The following HDX variants were observed in gnomAD, a reference collection of about 807,000 sequenced individuals.
HDX encodes the protein chromosome X open reading frame 43.
HDX carries 19 observed loss-of-function variants against 45.2 expected under a neutral mutation model. That is an observed-to-expected ratio of 0.42 (90% CI 0.29 to 0.62). The LOEUF is 0.62. Among genes scored for constraint, HDX ranks in the 20% least tolerant of loss-of-function variants. The pLI is 0.20. For synonymous variants in HDX, 188 were observed against 172.8 expected (o/e 1.09, Z -0.69); for missense variants, 532 against 493.9 (o/e 1.08, Z -0.73).
At chrX:84,436,366 C>T (rs190105010) in intron 5 of HDX, among the ~76,000 whole-genome samples, 3,706 of 107,805 alleles carry the variant, frequency 0.034, 85 homozygotes, top group Non-Finnish European at 0.055. Flanking sequence ...CAGCATGGCA[C>T]ATGTACCCTA....
intron 5 of HDX, among the ~76,000 whole-genome samples, chrX:84,380,519 G>A (rs1481216883): frequency 7.2e-5 from 8 of 110,808 alleles, no homozygotes; most frequent in Admixed American, 6.7e-4. Context: ...TAGAAATATC[G>A]TTCATCCTGA....
intron 7 of HDX, among the ~76,000 whole-genome samples, chrX:84,341,333 T>A (rs1236061017): frequency 9.0e-6 from 1 of 111,318 alleles, no homozygotes; most frequent in Non-Finnish European, 1.9e-5. Context: ...AATGGTGCAA[T>A]ATTTCTTTTT....
At chrX:84,486,407 A>AAAT (rs35533403) in intron 2 of HDX, among the ~76,000 whole-genome samples, 5,048 of 111,206 alleles carry the variant, frequency 0.045, 293 homozygotes, top group African/African-American at 0.16. Context: ...AAGAAGACAA[A>AAAT]AATAGAATCC....
intron 5 of HDX, among the ~76,000 whole-genome samples, chrX:84,393,813 C>A (rs1260539793): frequency 9.1e-6 from 1 of 110,350 alleles, no homozygotes; most frequent in South Asian, 3.8e-4. Flanking sequence ...TGTACAGTTA[C>A]TCCTGATAGT....
chrX:84,349,606 T>C (rs1157129346), intron 6 of HDX, among the ~76,000 whole-genome samples: 1 of 86,182 alleles, frequency 1.2e-5, no homozygotes, highest in Non-Finnish European at 2.1e-5. Context: ...TTTATGTGTG[T>C]GTGTATATAT....
At chrX:84,479,697 ATT>A (rs1269078605) in intron 2 of HDX, among the ~76,000 whole-genome samples, 1 of 111,808 alleles carries the variant, frequency 8.9e-6, no homozygotes, top group Non-Finnish European at 1.9e-5. Flanking sequence ...TGAAAGATTC[ATT>A]TCTTTCACTT....
intron 2 of HDX, among the ~76,000 whole-genome samples, chrX:84,485,661 G>A (rs182800425): frequency 5.3e-5 from 6 of 112,219 alleles, no homozygotes; most frequent in African/African-American, 1.9e-4. Context: ...GCCTCCCAAA[G>A]TGCTAGGATC....
chrX:84,442,567 A>G (rs1324889803), intron 4 of HDX, among the ~76,000 whole-genome samples: 2 of 111,659 alleles, frequency 1.8e-5, no homozygotes, highest in East Asian at 5.6e-4. Context: ...TGATTTTTTA[A>G]TGATGAGCTG....
chrX:84,425,243 T>C (rs760968573), intron 5 of HDX, among the ~76,000 whole-genome samples: 4 of 111,944 alleles, frequency 3.6e-5, no homozygotes, highest in Admixed American at 9.5e-5. Context: ...ATCAGAGAAA[T>C]GCAAATCAAA....
chrX:84,356,209 G>A (rs1194533997), intron 6 of HDX, among the ~76,000 whole-genome samples: 1 of 111,469 alleles, frequency 9.0e-6, no homozygotes, highest in African/African-American at 3.3e-5. Context: ...CATATAAATA[G>A]TTTTTCCTGA....
intron 5 of HDX, among the ~76,000 whole-genome samples, chrX:84,422,906 G>T (rs1569333136): frequency 9.1e-6 from 1 of 109,632 alleles, no homozygotes; most frequent in Non-Finnish European, 1.9e-5. Context: ...CTGACCTCAT[G>T]ATCCGCCCGC....
intron 2 of HDX, among the ~76,000 whole-genome samples, chrX:84,485,781 C>A (rs1191907730): frequency 1.8e-5 from 2 of 111,523 alleles, no homozygotes; most frequent in African/African-American, 6.5e-5. Context: ...TAAATTGACC[C>A]TTTATTCTTT....
At chrX:84,443,464 T>G (rs951721492) in intron 4 of HDX, among the ~76,000 whole-genome samples, 1 of 111,393 alleles carries the variant, frequency 9.0e-6, no homozygotes, top group Admixed American at 9.6e-5. Context: ...AACATACACA[T>G]CCAAAAGAGT....
chrX:84,480,912 A>G (rs2040664404), intron 2 of HDX, among the ~76,000 whole-genome samples: 1 of 111,453 alleles, frequency 9.0e-6, no homozygotes, highest in African/African-American at 3.2e-5. Context: ...ATCACATGGA[A>G]TTGCTAATAA....
At chrX:84,387,148 C>A (rs778811854) in intron 5 of HDX, among the ~76,000 whole-genome samples, 1 of 111,740 alleles carries the variant, frequency 8.9e-6, no homozygotes, top group African/African-American at 3.3e-5. Flanking sequence ...TGTGTAGTTT[C>A]GAGAGATCTT....
intron 1 of HDX, among the ~76,000 whole-genome samples, chrX:84,499,352 T>A (rs2041072962): frequency 9.0e-6 from 1 of 111,455 alleles, no homozygotes; most frequent in Non-Finnish European, 1.9e-5. Context: ...CACACTCAGT[T>A]TTTTTCATAT....
chrX:84,334,557 A>G (rs1216337251), intron 8 of HDX, among the ~76,000 whole-genome samples: 1 of 108,674 alleles, frequency 9.2e-6, no homozygotes, highest in Non-Finnish European at 1.9e-5. Context: ...CACTAATTAA[A>G]TATCTGTAGA....
At chrX:84,440,211 T>C (rs2039731184) in intron 5 of HDX, 2 of 158,514 alleles carry the variant, frequency 1.3e-5, no homozygotes, top group South Asian at 4.0e-4. Flanking sequence ...AGATATTTTA[T>C]ATAAATTATA....
chrX:84,471,114 G>A (rs980298905), intron 3 of HDX, among the ~76,000 whole-genome samples: 5 of 111,490 alleles, frequency 4.5e-5, no homozygotes, highest in Non-Finnish European at 9.4e-5. Flanking sequence ...TGTTTTTGAA[G>A]ACCACATAAA....
Sources: gnomAD v4.1 joint callset for allele counts (sites outside exome capture counted in the v4.1 genomes callset) on GRCh38, gnomAD v4.1.1 for gene constraint, MANE v1.5 for transcripts, NCBI Gene and HGNC (gene_info 2026-07-23, HGNC 2026-07-21) for gene names.